The following UGT1A4 variants were observed in gnomAD, a reference collection of about 807,000 sequenced individuals.
The protein encoded by UGT1A4 is UDP glucuronosyltransferase family 1 member A4.
A neutral mutation model predicts 41.1 loss-of-function variants in UGT1A4; 32 were observed. The observed-to-expected ratio is 0.78, with a 90% CI of 0.59 to 1.05. The LOEUF is 1.05. Among genes scored for constraint, UGT1A4 ranks in the 50% least tolerant of loss-of-function variants. UGT1A4 has a pLI of 0.00. For missense variants in UGT1A4, 748 were observed against 677.4 expected, an observed-to-expected ratio of 1.10 and a Z score of -1.16; for synonymous variants, 283 against 265.1, an observed-to-expected ratio of 1.07 and a Z score of -0.66.
intron 1 of UGT1A4, chr2:233,755,333 G>A (rs878855763): frequency 4.4e-6 from 2 of 455,268 alleles, no homozygotes; most frequent in South Asian, 1.9e-5. Flanking sequence ...CAGCACCCGC[G>A]CACAGGTCAG....
At chr2:233,760,188 C>T (rs1697341455) in intron 1 of UGT1A4, 3 of 1,563,658 alleles carry the variant, frequency 1.9e-6, no homozygotes, top group East Asian at 2.3e-5. Flanking sequence ...TTTATAGTCA[C>T]GTGACACAGT....
intron 1 of UGT1A4, among the ~76,000 whole-genome samples, chr2:233,763,201 A>G (rs1698260183): frequency 6.6e-6 from 1 of 152,250 alleles, no homozygotes; most frequent in South Asian, 2.1e-4. Flanking sequence ...TGTTTGGTGC[A>G]GTCAGGCTTA....
At position 233,718,890 on chromosome 2, in the gene UGT1A4, C is replaced by G; in HGVS notation, c.70C>G (p.Pro24Ala). ...ACTGCTGCTCCTCCTCAGTGTCCAG[C>G]CCTGGGCTGAGAGTGGAAAGGTGTT... ...TGLLLLLSVQ[P>A]WAESGKVLVV... Residue 24 changes from proline to alanine, a missense_variant, in exon 1 of 5, where the codon CCC becomes GCC. By Grantham distance (27) the Pro-to-Ala change is conservative. Coordinates refer to ENST00000373409, the MANE Select transcript of UGT1A4 (RefSeq NM_007120.3). The G allele has an allele frequency of 6.2e-7, 1 of 1,613,968 alleles. No homozygotes were observed.
At chr2:233,743,943 G>T in intron 1 of UGT1A4, 1 of 1,352,238 alleles carries the variant, frequency 7.4e-7, no homozygotes. Flanking sequence ...GGCCCACCAG[G>T]CACTGGCACA....
intron 1 of UGT1A4, among the ~76,000 whole-genome samples, chr2:233,758,781 G>C (rs1359978174): frequency 6.6e-6 from 1 of 152,186 alleles, no homozygotes; most frequent in African/African-American, 2.4e-5. Context: ...GTTGGGATCT[G>C]TGCAGTTATC....
At chr2:233,765,397 A>G (rs1698823781) in intron 1 of UGT1A4, among the ~76,000 whole-genome samples, 1 of 152,238 alleles carries the variant, frequency 6.6e-6, no homozygotes, top group South Asian at 2.1e-4. Context: ...AAAATGTGGT[A>G]CATATACACC....
At chr2:233,737,647 C>G (rs1413488043) in intron 1 of UGT1A4, among the ~76,000 whole-genome samples, 1 of 152,204 alleles carries the variant, frequency 6.6e-6, no homozygotes, top group Non-Finnish European at 1.5e-5. Flanking sequence ...GTCGATCATG[C>G]TGGGAGCTGC....
At chr2:233,759,599 A>ACCCCCCCCCCCCCCCCC (rs1553620419) in intron 1 of UGT1A4, among the ~76,000 whole-genome samples, 1 of 108,732 alleles carries the variant, frequency 9.2e-6, no homozygotes, top group African/African-American at 3.3e-5. Flanking sequence ...CCCACCCCCG[A>ACCCCCCCCCCCCCCCCC]CCCGCCCCAC....
chr2:233,760,305 G>C (rs745957787), intron 1 of UGT1A4: 19 of 1,613,584 alleles, frequency 1.2e-5, no homozygotes, highest in Non-Finnish European at 1.6e-5. Context: ...TGGAGTCCCA[G>C]GGCGGACGCC....
intron 1 of UGT1A4, among the ~76,000 whole-genome samples, chr2:233,758,934 A>T (rs1366675557): frequency 1.3e-5 from 2 of 152,238 alleles, no homozygotes; most frequent in Non-Finnish European, 2.9e-5. Context: ...TTTTGACTTC[A>T]AATCAGTCAT....
At chr2:233,750,552 C>T (rs1256274617) in intron 1 of UGT1A4, 4 of 151,954 alleles carry the variant, frequency 2.6e-5, no homozygotes, top group Non-Finnish European at 5.9e-5. Context: ...ACATCAGAGA[C>T]CTTTGCAGCA....
intron 1 of UGT1A4, among the ~76,000 whole-genome samples, chr2:233,751,156 T>G (rs1334188650): frequency 6.6e-6 from 1 of 151,998 alleles, no homozygotes; most frequent in Non-Finnish European, 1.5e-5. Context: ...ACTTCTGGCA[T>G]CAGCATGACC....
chr2:233,755,205 G>C (rs1172737819), intron 1 of UGT1A4: 1 of 1,079,818 alleles, frequency 9.3e-7, no homozygotes, highest in East Asian at 4.8e-5. Flanking sequence ...CTTGCGGTAC[G>C]CCTTCTTGAT....
rs146146688 is a variant in UGT1A4 at position 233,719,081 on chromosome 2, G to T, written c.261G>T (p.Lys87Asn). 1.8e-5 allele frequency: 29 copies of T among 1,614,132 alleles called. No individual in the cohort carries two copies. In the East Asian group the frequency reaches 3.3e-4, roughly 19 times the overall value. Residue 87 changes from lysine to asparagine, a missense_variant, in exon 1 of 5, where the codon AAG (lysine) becomes AAT (asparagine). Transcript: ENST00000373409. ...CCTATGCTGTTCCATGGACCCAGAA[G>T]GAATTTGATCGCGTTACGCTGGGCT... The part of the protein sequence containing the change: ...LTAYAVPWTQ[K>N]EFDRVTLGYT...
In UGT1A4 at chr2:233,747,934, G is replaced by A. The variant is rs544310415; in HGVS notation, c.868-19100G>A. The A allele has an allele frequency of 2.5e-6, 4 of 1,613,444 alleles. No individual in the cohort carries two copies. In the South Asian group the frequency reaches 3.3e-5, roughly 13 times the overall value. ...AGCCTTGCCTCTGAGCTTTTTCAGAGGGAGGTGTCAGTGGTGGATCTTCTC... is the reference window on the plus strand; with the variant it reads ...AGCCTTGCCTCTGAGCTTTTTCAGAAGGAGGTGTCAGTGGTGGATCTTCTC... On this transcript the variant is annotated intron_variant, in intron 1 of 4. Coordinates refer to ENST00000373409, the MANE Select transcript of UGT1A4 (RefSeq NM_007120.3).
intron 1 of UGT1A4, chr2:233,729,250 C>T (rs749759024): frequency 1.9e-6 from 3 of 1,614,224 alleles, no homozygotes; most frequent in South Asian, 1.1e-5. Flanking sequence ...CAGCCACTGG[C>T]TCAGCATGCG....
At position 233,740,893 on chromosome 2, in the gene UGT1A4, T is replaced by C. The variant is rs1014621537; in HGVS notation, c.867+21206T>C. 52 of 150,244 alleles carry C rather than the reference T, an allele frequency of 3.5e-4. 1 individual carries two copies. Among genetic ancestry groups the C allele is most frequent in the African/African-American group, 1.2e-3 (48 of 39,828 alleles). 9.3% of individuals were successfully genotyped at this position (150,244 alleles called of 1,614,324 possible). A position where few individuals can be genotyped will look rare whatever the true frequency, so the allele number is the denominator to read the frequency against. The stretch of plus-strand genomic sequence containing the variant: ...ATAAAATGCTCTTGCAGGGACAACA[T>C]AGTAGGTCAACATTGTTCCCATCTC... On this transcript the variant is annotated intron_variant, in intron 1 of 4. Transcript: ENST00000373409.
chr2:233,769,069 T>C lies in UGT1A4; in HGVS notation c.1307+630T>C, dbSNP rs1362327235. On this transcript the variant is annotated intron_variant, in intron 4 of 4. Transcript: ENST00000373409. The surrounding 1 kb of genome is among the most constrained non-coding windows in gnomAD (Gnocchi z 4.4). ...CATAAGTTTCCTGCACAGAAAGAAA[T>C]ACTCCATTATAAGAAGCATAGTATC... is the stretch of plus-strand genomic sequence containing the variant. 1.3e-5 allele frequency among the ~76,000 whole-genome samples: 2 copies of C among 152,194 alleles called. No individual in the cohort carries two copies. Among genetic ancestry groups the C allele is most frequent in the Admixed American group, 6.5e-5 (1 of 15,280 alleles).
chr2:233,770,389 C>T (rs1188448895), intron 4 of UGT1A4: 4 of 152,212 alleles, frequency 2.6e-5, no homozygotes, highest in African/African-American at 4.8e-5. Flanking sequence ...TACGGTGGCT[C>T]ATGCCTGTAG....
Sources: gnomAD v4.1 joint callset for allele counts (sites outside exome capture counted in the v4.1 genomes callset) on GRCh38, gnomAD v4.1.1 for gene constraint, Gnocchi (gnomAD v3.1) non-coding constraint, MANE v1.5 for transcripts, NCBI Gene and HGNC (gene_info 2026-07-23, HGNC 2026-07-21) for gene names.